NSMCE2: variants seen among roughly 807,000 people sequenced by gnomAD.
NSMCE2 encodes the protein E3 SUMO-protein ligase NSE2.
In NSMCE2, 24 loss-of-function variants were observed where a neutral mutation model predicts 23.8. The observed-to-expected ratio is 1.01, with a 90% confidence interval of 0.73 to 1.42. The LOEUF (loss-of-function observed/expected upper bound fraction) is 1.42. NSMCE2 is among the 40% of genes most tolerant of loss of function. The pLI is 0.00. For synonymous variants in NSMCE2, 92 were observed against 94.1 expected, an observed-to-expected ratio of 0.98 and a Z score of 0.13; for missense variants, 284 against 296.5, an observed-to-expected ratio of 0.96 and a Z score of 0.31.
chr8:125,323,901 A>C (rs1346345849), intron 5 of NSMCE2, among the ~76,000 whole-genome samples: 2 of 152,224 alleles, frequency 1.3e-5, no homozygotes, highest in Non-Finnish European at 2.9e-5. Context: ...TCAAATCACA[A>C]ATCTGATAAA....
chr8:125,340,012 G>GTTTTTTTTTTTTTTTT (rs752038710), intron 5 of NSMCE2, among the ~76,000 whole-genome samples: 2 of 102,852 alleles, frequency 1.9e-5, no homozygotes, highest in East Asian at 3.0e-4. Context: ...GTTTTTTTTT[G>GTTTTTTTTTTTTTTTT]TTTTTTTTTT....
chr8:125,097,440 A>G (rs1817993106), intron 1 of NSMCE2, among the ~76,000 whole-genome samples: 3 of 152,196 alleles, frequency 2.0e-5, no homozygotes, highest in Admixed American at 2.0e-4. Context: ...TATGCCAGGC[A>G]AAGGGAACTC....
chr8:125,156,143 G>T, intron 4 of NSMCE2: 1 of 273,882 alleles, frequency 3.7e-6, no homozygotes, highest in South Asian at 3.0e-5. Context: ...TTGGTGACCA[G>T]TATAGTCTCA....
chr8:125,311,172 G>A (rs2131231206), intron 5 of NSMCE2, among the ~76,000 whole-genome samples: 1 of 152,308 alleles, frequency 6.6e-6, no homozygotes, highest in Admixed American at 6.5e-5. Flanking sequence ...ACTTGGATCT[G>A]TGCACACACA....
At chr8:125,254,317 A>G (rs968696457) in intron 5 of NSMCE2, among the ~76,000 whole-genome samples, 1 of 152,224 alleles carries the variant, frequency 6.6e-6, no homozygotes, top group Non-Finnish European at 1.5e-5. Context: ...AGTGTGCCAC[A>G]AAACATTTTA....
At chr8:125,218,434 CAG>C (rs139658187) in intron 5 of NSMCE2, among the ~76,000 whole-genome samples, 3,262 of 141,722 alleles carry the variant, frequency 0.023, 125 homozygotes, top group African/African-American at 0.084. Flanking sequence ...TTTTTTGAGA[CAG>C]AGTCTTGCTC....
intron 4 of NSMCE2, among the ~76,000 whole-genome samples, chr8:125,154,800 C>T (rs143630476): frequency 6.0e-4 from 91 of 152,154 alleles, no homozygotes; most frequent in African/African-American, 2.0e-3. Context: ...ATTACTGCCA[C>T]GGAAAAACTG....
intron 4 of NSMCE2, among the ~76,000 whole-genome samples, chr8:125,154,214 A>T (rs1417123669): frequency 6.6e-6 from 1 of 152,202 alleles, no homozygotes; most frequent in Non-Finnish European, 1.5e-5. Flanking sequence ...AAGTTGATTT[A>T]AAAACTTTTT....
intron 3 of NSMCE2, among the ~76,000 whole-genome samples, chr8:125,144,156 A>T (rs1563677339): frequency 6.6e-6 from 1 of 152,094 alleles, no homozygotes; most frequent in Non-Finnish European, 1.5e-5. Flanking sequence ...GTACTACCGG[A>T]CCTGTTTCAT....
intron 5 of NSMCE2, among the ~76,000 whole-genome samples, chr8:125,299,292 G>A (rs1460427458): frequency 6.6e-6 from 1 of 152,088 alleles, no homozygotes; most frequent in African/African-American, 2.4e-5. Flanking sequence ...TAAAAAGAAA[G>A]GAGCACTCTA....
At chr8:125,240,492 T>C (rs1425511921) in intron 5 of NSMCE2, among the ~76,000 whole-genome samples, 1 of 152,228 alleles carries the variant, frequency 6.6e-6, no homozygotes, top group Non-Finnish European at 1.5e-5. Context: ...ATCTTTCACA[T>C]ACTGGCAGCA....
intron 3 of NSMCE2, among the ~76,000 whole-genome samples, chr8:125,110,005 C>G (rs1033737813): frequency 2.0e-5 from 3 of 151,946 alleles, no homozygotes; most frequent in African/African-American, 7.3e-5. Flanking sequence ...AATATACTGA[C>G]CTAATTAACT....
chr8:125,158,203 G>A (rs1029263046), intron 4 of NSMCE2, among the ~76,000 whole-genome samples: 5 of 152,072 alleles, frequency 3.3e-5, no homozygotes, highest in Non-Finnish European at 5.9e-5. Flanking sequence ...GAAGTATGTC[G>A]AACTCCCTTC....
intron 4 of NSMCE2, among the ~76,000 whole-genome samples, chr8:125,171,698 C>G (rs989919818): frequency 1.3e-5 from 2 of 151,596 alleles, no homozygotes; most frequent in African/African-American, 4.8e-5. Flanking sequence ...CTGGCTACAT[C>G]TTAAACTTGC....
In NSMCE2 at chr8:125,318,645, T is replaced by C. The variant is rs187021750; in HGVS notation, c.419-38574T>C. Among the ~76,000 whole-genome samples, 40 of 152,138 alleles carry C rather than the reference T, an allele frequency of 2.6e-4. 1 individual carries two copies. The East Asian group carries it at 7.7e-3, about 29-fold the overall frequency. On this transcript the variant is annotated intron_variant, in intron 5 of 7. Transcript: ENST00000287437. ...TCAAGATTAAATAACAGGTACCACA[T>C]TGAACTTCCCTCCTAAAATAACAGA...
At chr8:125,187,486 C>G (rs951517081) in intron 5 of NSMCE2, among the ~76,000 whole-genome samples, 1 of 152,168 alleles carries the variant, frequency 6.6e-6, no homozygotes, top group Admixed American at 6.5e-5. Flanking sequence ...TTCTCCTTGC[C>G]TTAAACTGCC....
At chr8:125,181,951 T>C (rs1822838577) in intron 4 of NSMCE2, 152 bp from the exon 5 acceptor site, 2 of 628,950 alleles carry the variant, frequency 3.2e-6, no homozygotes, top group Non-Finnish European at 2.8e-6. Context: ...TCCTAGAACA[T>C]GTCCCAACCT....
chr8:125,123,594 G>T (rs755178052), intron 3 of NSMCE2, among the ~76,000 whole-genome samples: 1 of 152,174 alleles, frequency 6.6e-6, no homozygotes, highest in Admixed American at 6.5e-5. Context: ...GTGTACATGC[G>T]CACACGCACA....
chr8:125,253,538 C>T (rs1458808778), intron 5 of NSMCE2, among the ~76,000 whole-genome samples: 1 of 152,102 alleles, frequency 6.6e-6, no homozygotes, highest in Non-Finnish European at 1.5e-5. Flanking sequence ...AACTGTGATC[C>T]ATTCCAGGGG....
Sources: allele counts gnomAD v4.1 joint callset (sites outside exome capture counted in the v4.1 genomes callset), GRCh38; gene constraint gnomAD v4.1.1; transcripts MANE v1.5; gene names NCBI Gene and HGNC (gene_info 2026-07-23, HGNC 2026-07-21).